The following KCND2 variants were observed in gnomAD, a reference collection of about 807,000 sequenced individuals.
KCND2 encodes A-type voltage-gated potassium channel KCND2.
Under a neutral mutation model 54.4 loss-of-function variants are expected in KCND2, and 16 were observed. The observed-to-expected ratio is 0.29, with a 90% CI of 0.20 to 0.45. KCND2 has a LOEUF of 0.45. KCND2 is among the 20% of genes least tolerant of loss of function. The probability of loss-of-function intolerance (pLI) is 1.00; values close to 1 mark genes in which losing one functional copy is unlikely to be tolerated. For missense variants in KCND2, 486 were observed against 824.2 expected, an observed-to-expected ratio of 0.59 and a Z score of 5.02; for synonymous variants, 317 against 310.7, an observed-to-expected ratio of 1.02 and a Z score of -0.21.
chr7:120,698,374 A>G (rs1246384454), intron 1 of KCND2, among the ~76,000 whole-genome samples: 1 of 152,180 alleles, frequency 6.6e-6, no homozygotes, highest in African/African-American at 2.4e-5. Flanking sequence ...CTAATAAGGA[A>G]ATTCTGGACA....
Position 120,407,096 on chromosome 7 carries a change from C to T in KCND2, c.1115+131349C>T, listed in dbSNP as rs554740603. 9.9e-5 allele frequency among the ~76,000 whole-genome samples: 15 copies of T among 151,934 alleles called. No individual in the cohort carries two copies. In the East Asian group the frequency reaches 2.7e-3, roughly 27 times the overall value. On this transcript the variant is annotated intron_variant, in intron 1 of 5. Transcript: ENST00000331113. ...TTTCCTATAATACACCTTCATGGCG[C>T]TATGGTTGTATTAATGTGCATTGTG... is the stretch of plus-strand genomic sequence containing the variant.
At chr7:120,620,660 T>G (rs1011694098) in intron 1 of KCND2, among the ~76,000 whole-genome samples, 1 of 152,190 alleles carries the variant, frequency 6.6e-6, no homozygotes, top group Non-Finnish European at 1.5e-5. Context: ...ATTGACATGC[T>G]AAGTCATAAT....
chr7:120,497,315 C>T (rs886948585), intron 1 of KCND2, among the ~76,000 whole-genome samples: 2 of 152,074 alleles, frequency 1.3e-5, no homozygotes, highest in Non-Finnish European at 1.5e-5. Context: ...CCTTAAAAAT[C>T]CCTTGGAGAG....
chr7:120,373,701 T>C (rs1291785513), intron 1 of KCND2, among the ~76,000 whole-genome samples: 1 of 151,822 alleles, frequency 6.6e-6, no homozygotes, highest in Non-Finnish European at 1.5e-5. Flanking sequence ...CCAGTAGACA[T>C]AGACAAAATT....
At chr7:120,740,204 C>T (rs1186220392) in intron 2 of KCND2, among the ~76,000 whole-genome samples, 1 of 151,926 alleles carries the variant, frequency 6.6e-6, no homozygotes, top group Admixed American at 6.6e-5. Context: ...GAAATATTAC[C>T]AGTGATTGTT....
At chr7:120,325,172 G>T (rs962631207) in intron 1 of KCND2, among the ~76,000 whole-genome samples, 1 of 136,426 alleles carries the variant, frequency 7.3e-6, no homozygotes, top group African/African-American at 2.7e-5. Flanking sequence ...GTTTGCTGAA[G>T]TTGCTTATCA....
intron 1 of KCND2, among the ~76,000 whole-genome samples, chr7:120,348,978 T>C (rs1459515286): frequency 6.6e-6 from 1 of 152,088 alleles, no homozygotes; most frequent in Non-Finnish European, 1.5e-5. Flanking sequence ...CAAATAATAT[T>C]TTCTGAATAT....
intron 1 of KCND2, among the ~76,000 whole-genome samples, chr7:120,409,594 G>C (rs770481692): frequency 2.0e-5 from 3 of 151,882 alleles, no homozygotes; most frequent in African/African-American, 7.2e-5. Flanking sequence ...TCTAAAGGAC[G>C]TGTAGTGATC....
In KCND2 at chr7:120,493,711, A is replaced by T. The variant is rs1023623880; in HGVS notation, c.1115+217964A>T. On this transcript the variant is annotated intron_variant, in intron 1 of 5. Coordinates refer to ENST00000331113, the MANE Select transcript of KCND2 (RefSeq NM_012281.3). ...TGATTTGCAAAAATTCAGAATTTTA[A>T]CAAGGCCAAGTGTTGCTGAAGATGT... 3.3e-5 allele frequency among the ~76,000 whole-genome samples: 5 copies of T among 152,134 alleles called. No homozygotes were observed. In the East Asian group the frequency reaches 5.8e-4, roughly 18 times the overall value.
At chr7:120,406,897 G>C (rs756129051) in intron 1 of KCND2, among the ~76,000 whole-genome samples, 6 of 151,956 alleles carry the variant, frequency 3.9e-5, no homozygotes, top group Non-Finnish European at 7.4e-5. Context: ...GATGACTTTT[G>C]AATGCCTGGC....
At chr7:120,326,976 A>G (rs1393329503) in intron 1 of KCND2, among the ~76,000 whole-genome samples, 1 of 152,064 alleles carries the variant, frequency 6.6e-6, no homozygotes, top group Non-Finnish European at 1.5e-5. Context: ...CAAATACATC[A>G]ATAAATATTT....
intron 1 of KCND2, among the ~76,000 whole-genome samples, chr7:120,661,202 A>G (rs1351033814): frequency 6.6e-6 from 1 of 152,194 alleles, no homozygotes; most frequent in Non-Finnish European, 1.5e-5. Flanking sequence ...GGAAGCTGAG[A>G]CCAAAACCTC....
chr7:120,591,724 T>C (rs1792674181), intron 1 of KCND2, among the ~76,000 whole-genome samples: 1 of 152,222 alleles, frequency 6.6e-6, no homozygotes, highest in African/African-American at 2.4e-5. Flanking sequence ...ATTGGGCTAG[T>C]CTCTGAGCCT....
chr7:120,300,765 A>G (rs1345227977), intron 1 of KCND2, among the ~76,000 whole-genome samples: 2 of 152,044 alleles, frequency 1.3e-5, no homozygotes, highest in East Asian at 1.9e-4. Flanking sequence ...TCTGATTTTT[A>G]TAGGCCAACT....
chr7:120,613,466 G>T (rs1214991707), intron 1 of KCND2, among the ~76,000 whole-genome samples: 2 of 152,204 alleles, frequency 1.3e-5, no homozygotes, highest in Admixed American at 1.3e-4. Context: ...AAGAGGCGGG[G>T]GTTGCTGTGG....
chr7:120,609,893 G>A (rs1432223028), intron 1 of KCND2, among the ~76,000 whole-genome samples: 2 of 152,120 alleles, frequency 1.3e-5, no homozygotes, highest in African/African-American at 4.8e-5. Context: ...TTAACCATAA[G>A]TGAAGAACAG....
intron 1 of KCND2, among the ~76,000 whole-genome samples, chr7:120,416,510 C>T (rs1801527216): frequency 6.6e-6 from 1 of 152,118 alleles, no homozygotes; most frequent in South Asian, 2.1e-4. Context: ...GCTGGTTTAA[C>T]AAGTAAGTGT....
intron 1 of KCND2, among the ~76,000 whole-genome samples, chr7:120,585,799 A>T (rs1041089727): frequency 1.3e-5 from 2 of 152,180 alleles, no homozygotes; most frequent in Admixed American, 1.3e-4. Flanking sequence ...TAATATTTGA[A>T]CGCAATGATA....
At chr7:120,398,087 G>A (rs1801186605) in intron 1 of KCND2, among the ~76,000 whole-genome samples, 1 of 140,628 alleles carries the variant, frequency 7.1e-6, no homozygotes, top group Admixed American at 7.4e-5. Context: ...ATTTCAGCTA[G>A]CTGGTTGTAA....
Sources: gnomAD v4.1 joint callset for allele counts (sites outside exome capture counted in the v4.1 genomes callset) on GRCh38, gnomAD v4.1.1 for gene constraint, MANE v1.5 for transcripts, NCBI Gene and HGNC (gene_info 2026-07-23, HGNC 2026-07-21) for gene names.